Variants in FBXL17 observed in about 807,000 individuals in gnomAD.
FBXL17 encodes F-box/LRR-repeat protein 17.
A neutral mutation model predicts 66.2 loss-of-function variants in FBXL17; 22 were observed. The ratio of observed to expected loss-of-function variants is 0.33; its 90% CI spans 0.24 to 0.47. The LOEUF is 0.47. FBXL17 is among the 20% of genes least tolerant of loss of function. The pLI is 1.00. For synonymous variants in FBXL17, 474 were observed against 400.5 expected (o/e 1.18, Z -2.19); for missense variants, 878 against 948.2 (o/e 0.93, Z 0.97).
At chr5:108,182,996 T>G (rs915847907) in intron 6 of FBXL17, among the ~76,000 whole-genome samples, 1 of 152,094 alleles carries the variant, frequency 6.6e-6, no homozygotes, top group Non-Finnish European at 1.5e-5. Flanking sequence ...AGAAAATTGT[T>G]GTGGAATATA....
chr5:108,292,528 C>G (rs964699090), intron 4 of FBXL17, among the ~76,000 whole-genome samples: 1 of 152,078 alleles, frequency 6.6e-6, no homozygotes, highest in African/African-American at 2.4e-5. Context: ...TATACTGCTC[C>G]CTCAACCTAA....
intron 6 of FBXL17, among the ~76,000 whole-genome samples, chr5:108,131,480 A>C (rs927679794): frequency 6.6e-6 from 1 of 152,138 alleles, no homozygotes; most frequent in African/African-American, 2.4e-5. Context: ...GGGCATTATT[A>C]GTTTTAATAA....
intron 7 of FBXL17, among the ~76,000 whole-genome samples, chr5:108,002,275 C>T (rs529419841): frequency 1.9e-4 from 29 of 150,586 alleles, no homozygotes; most frequent in Non-Finnish European, 1.3e-4. Context: ...CCACCCACCT[C>T]GGCCTCCCAA....
chr5:108,323,670 G>A (rs1580815892), intron 4 of FBXL17, among the ~76,000 whole-genome samples: 1 of 152,006 alleles, frequency 6.6e-6, no homozygotes, highest in Admixed American at 6.6e-5. Context: ...TCCACTGGGA[G>A]TCCCACACTT....
chr5:107,863,677 G>T (rs1010687406), intron 8 of FBXL17, among the ~76,000 whole-genome samples: 2 of 152,208 alleles, frequency 1.3e-5, no homozygotes, highest in Admixed American at 1.3e-4. Context: ...GCCAGGAATA[G>T]TTATTAGTGA....
In FBXL17 at chr5:107,866,231, T is replaced by C. The variant is rs534883886; in HGVS notation, c.1966-4371A>G. 8.1e-4 allele frequency among the ~76,000 whole-genome samples: 123 copies of C among 152,320 alleles called. 2 individuals are homozygous for C. The highest frequency in any genetic ancestry group is 1.3e-3 in the Admixed American group (20 of 15,304). ...ATCTTCTTAAAGAAATATGCCGCAC[T>C]GTCATTGGAAGAAATTACTGTGATT... is the stretch of plus-strand genomic sequence containing the variant. On this transcript the variant is annotated intron_variant, in intron 8 of 8. Transcript: ENST00000542267.
intron 6 of FBXL17, among the ~76,000 whole-genome samples, chr5:108,083,941 T>G (rs1452522171): frequency 1.3e-5 from 2 of 152,106 alleles, no homozygotes; most frequent in Non-Finnish European, 2.9e-5. Flanking sequence ...ACACCTAAGC[T>G]AGGAGGGAAA....
chr5:108,005,027 G>T (rs1753870387), intron 7 of FBXL17, among the ~76,000 whole-genome samples: 1 of 151,832 alleles, frequency 6.6e-6, no homozygotes, highest in African/African-American at 2.4e-5. Context: ...GGGGATACTG[G>T]GTGCCTGTCT....
At chr5:107,905,997 A>T (rs1331926004) in intron 7 of FBXL17, among the ~76,000 whole-genome samples, 1 of 152,134 alleles carries the variant, frequency 6.6e-6, no homozygotes, top group Non-Finnish European at 1.5e-5. Context: ...TTGGGAACCA[A>T]TCTAATATTA....
At chr5:108,060,036 C>G (rs901225487) in intron 6 of FBXL17, among the ~76,000 whole-genome samples, 1 of 149,950 alleles carries the variant, frequency 6.7e-6, no homozygotes. Flanking sequence ...TATATATTTA[C>G]ATATTCATTT....
At chr5:108,262,942 G>A (rs1397625266) in intron 4 of FBXL17, among the ~76,000 whole-genome samples, 1 of 152,052 alleles carries the variant, frequency 6.6e-6, no homozygotes, top group East Asian at 1.9e-4. Flanking sequence ...AGTTGGTAAA[G>A]GTTATACAAG....
rs892814684 is a variant in FBXL17, at chr5:107,999,376, G to A, written c.1822+21549C>T. 2.0e-5 allele frequency among the ~76,000 whole-genome samples: 3 copies of A among 151,064 alleles called. No homozygotes were observed. The East Asian group carries it at 5.9e-4, about 29-fold the overall frequency. On this transcript the variant is annotated intron_variant, in intron 7 of 8. Transcript: ENST00000542267. Reference sequence around the variant, plus strand: ...TATGTTTCTGAAATATCTAAAATTGGACCTATATCACTGCCGTTCTACAAA... The same window carrying A: ...TATGTTTCTGAAATATCTAAAATTGAACCTATATCACTGCCGTTCTACAAA...
chr5:107,955,307 T>A (rs962463823), intron 7 of FBXL17, among the ~76,000 whole-genome samples: 3 of 151,878 alleles, frequency 2.0e-5, no homozygotes, highest in Admixed American at 1.3e-4. Context: ...CAAAAAAAAA[T>A]TAGAGTGTCT....
intron 6 of FBXL17, among the ~76,000 whole-genome samples, chr5:108,071,345 C>A (rs1367545095): frequency 6.6e-6 from 1 of 152,146 alleles, no homozygotes; most frequent in Non-Finnish European, 1.5e-5. Context: ...CTGCTTCAGG[C>A]CTCAAGAACA....
At chr5:107,988,205 T>A (rs1158838668) in intron 7 of FBXL17, among the ~76,000 whole-genome samples, 2 of 152,014 alleles carry the variant, frequency 1.3e-5, no homozygotes, top group East Asian at 3.8e-4. Flanking sequence ...AGTTACAATA[T>A]CCTGAGTTCT....
At chr5:108,193,960 C>A (rs897476443) in intron 5 of FBXL17, among the ~76,000 whole-genome samples, 4 of 152,092 alleles carry the variant, frequency 2.6e-5, no homozygotes, top group Admixed American at 6.6e-5. Flanking sequence ...GGACATTTTA[C>A]GGCCCGCTTC....
intron 4 of FBXL17, among the ~76,000 whole-genome samples, chr5:108,316,760 TA>T (rs1320946190): frequency 1.3e-5 from 2 of 151,098 alleles, no homozygotes; most frequent in Non-Finnish European, 3.0e-5. Context: ...CATACTAAAA[TA>T]AACCTTAAAA....
chr5:108,261,743 ATAAAC>A (rs1253099236), intron 4 of FBXL17, among the ~76,000 whole-genome samples: 2 of 152,058 alleles, frequency 1.3e-5, no homozygotes, highest in Admixed American at 6.6e-5. Context: ...AAAAACTAAC[ATAAAC>A]TAAACACAAG....
At chr5:107,892,496 A>G (rs1242869990) in intron 7 of FBXL17, among the ~76,000 whole-genome samples, 1 of 152,110 alleles carries the variant, frequency 6.6e-6, no homozygotes, top group African/African-American at 2.4e-5. Flanking sequence ...TATTTTTACA[A>G]AGTAAAAAGA....
Sources: gnomAD v4.1 joint callset for allele counts (sites outside exome capture counted in the v4.1 genomes callset) on GRCh38, gnomAD v4.1.1 for gene constraint, MANE v1.5 for transcripts, NCBI Gene and HGNC (gene_info 2026-07-23, HGNC 2026-07-21) for gene names.